The following PRELID2 variants were observed in gnomAD, a reference collection of about 807,000 sequenced individuals.
PRELID2 encodes PRELI domain containing 2.
A neutral mutation model predicts 28.4 loss-of-function variants in PRELID2; 25 were observed. The observed-to-expected ratio is 0.88, with a 90% CI of 0.64 to 1.23. The LOEUF (loss-of-function observed/expected upper bound fraction) is 1.23. Ranked by LOEUF, PRELID2 falls within the 50% of genes most tolerant of loss-of-function variation. PRELID2 has a pLI of 0.00. For synonymous variants in PRELID2, 76 were observed against 71.6 expected, an observed-to-expected ratio of 1.06 and a Z score of -0.31; for missense variants, 201 against 214.4, an observed-to-expected ratio of 0.94 and a Z score of 0.39.
chr5:145,568,041 C>T (rs948397614), intron 1 of PRELID2, among the ~76,000 whole-genome samples: 15 of 152,148 alleles, frequency 9.9e-5, no homozygotes, highest in Non-Finnish European at 2.9e-5. Context: ...CCTTTGGAGG[C>T]CTGCTCCTAT....
chr5:145,759,482 A>G lies in PRELID2; in HGVS notation c.*1054T>C, dbSNP rs1415548981. On this transcript the variant is annotated 3_prime_UTR_variant, in exon 7 of 7. Transcript: ENST00000683046. ...AGTACCTTTGCAAAATGTTTTACAT[A>G]ATAATGGCTTCCATTTCCTGGACTT... The G allele has an allele frequency of 2.6e-5, 4 of 152,254 alleles. No homozygotes were observed. Among genetic ancestry groups the G allele is most frequent in the African/African-American group, 7.2e-5 (3 of 41,468 alleles). The allele number at this position is 152,254 out of a possible 1,614,324, so 9.4% of individuals were successfully genotyped here.
At chr5:145,396,422 C>G in the PRELID2 span, among the ~76,000 whole-genome samples, 19 of 151,132 alleles carry the variant, frequency 1.3e-4, no homozygotes, top group East Asian at 2.0e-4. Context: ...CTGTAATTTG[C>G]CTGTGAACCA....
intron 1 of PRELID2, among the ~76,000 whole-genome samples, chr5:145,485,295 G>C (rs992317545): frequency 6.6e-6 from 1 of 152,202 alleles, no homozygotes; most frequent in Non-Finnish European, 1.5e-5. Flanking sequence ...AGTGGCAACT[G>C]CCAAGGCCTT....
At chr5:145,705,421 C>G (rs28668139) in intron 1 of PRELID2, among the ~76,000 whole-genome samples, 3 of 151,748 alleles carry the variant, frequency 2.0e-5, no homozygotes, top group African/African-American at 4.9e-5. Context: ...CCAGGCTGGT[C>G]GTGAACTCCT....
At chr5:145,498,876 C>T (rs1280795618) in intron 1 of PRELID2, among the ~76,000 whole-genome samples, 1 of 151,458 alleles carries the variant, frequency 6.6e-6, no homozygotes, top group Non-Finnish European at 1.5e-5. Context: ...CCACACCCGG[C>T]CTGAGAACTT....
At chr5:145,397,118 G>T in the PRELID2 span, among the ~76,000 whole-genome samples, 1 of 152,092 alleles carries the variant, frequency 6.6e-6, no homozygotes, top group Non-Finnish European at 1.5e-5. Context: ...CCCCTATCCT[G>T]AATGTGAGAC....
intron 1 of PRELID2, among the ~76,000 whole-genome samples, chr5:145,516,431 G>A (rs997611778): frequency 3.3e-5 from 5 of 152,074 alleles, no homozygotes; most frequent in African/African-American, 1.2e-4. Context: ...AAATTACAAG[G>A]GATGTGAAGG....
chr5:145,405,496 A>G, the PRELID2 span, among the ~76,000 whole-genome samples: 1 of 152,020 alleles, frequency 6.6e-6, no homozygotes, highest in African/African-American at 2.4e-5. Flanking sequence ...ATCATGCAGT[A>G]TTTTTCTTTC....
At chr5:145,805,778 G>C (rs1474056808) in intron 4 of PRELID2, among the ~76,000 whole-genome samples, 1 of 152,100 alleles carries the variant, frequency 6.6e-6, no homozygotes. Context: ...TACACACATA[G>C]GCTAGATGGT....
chr5:145,642,755 C>T (rs1483938016), intron 1 of PRELID2, among the ~76,000 whole-genome samples: 1 of 152,168 alleles, frequency 6.6e-6, no homozygotes, highest in African/African-American at 2.4e-5. Context: ...TTTTTCAACA[C>T]CTTTTATTAA....
At chr5:145,273,867 G>A in the PRELID2 span, among the ~76,000 whole-genome samples, 1 of 152,120 alleles carries the variant, frequency 6.6e-6, no homozygotes, top group African/African-American at 2.4e-5. Context: ...CATGGGGTAA[G>A]TGGCCATAGG....
intron 1 of PRELID2, among the ~76,000 whole-genome samples, chr5:145,560,065 C>G (rs750668943): frequency 4.6e-5 from 7 of 152,140 alleles, no homozygotes; most frequent in Non-Finnish European, 1.0e-4. Context: ...GGCAAATCAT[C>G]TAAGACAAAG....
At chr5:145,396,090 T>C in the PRELID2 span, among the ~76,000 whole-genome samples, 2 of 152,154 alleles carry the variant, frequency 1.3e-5, no homozygotes, top group Non-Finnish European at 2.9e-5. Flanking sequence ...CCACGTGATG[T>C]CCACCAACAT....
chr5:145,777,440 G>A (rs923145554), intron 5 of PRELID2, among the ~76,000 whole-genome samples: 3 of 152,178 alleles, frequency 2.0e-5, no homozygotes, highest in Admixed American at 2.0e-4. Context: ...GAGTCCCACT[G>A]TCTAGTTTAA....
At chr5:145,792,232 C>G (rs1332605709) in intron 5 of PRELID2, among the ~76,000 whole-genome samples, 1 of 152,162 alleles carries the variant, frequency 6.6e-6, no homozygotes, top group African/African-American at 2.4e-5. Context: ...GTTCAAATCC[C>G]CGGTTCACCA....
At chr5:145,793,366 C>T (rs914274261) in intron 5 of PRELID2, among the ~76,000 whole-genome samples, 1 of 152,088 alleles carries the variant, frequency 6.6e-6, no homozygotes, top group Non-Finnish European at 1.5e-5. Flanking sequence ...TAAACAGACT[C>T]AGCAATAAGT....
the PRELID2 span, among the ~76,000 whole-genome samples, chr5:145,412,500 C>CA: frequency 6.6e-6 from 1 of 152,178 alleles, no homozygotes; most frequent in Non-Finnish European, 1.5e-5. Flanking sequence ...GCATTTTGGT[C>CA]AAAGTCATTT....
chr5:145,795,644 C>G (rs938426325), intron 5 of PRELID2: 1 of 151,998 alleles, frequency 6.6e-6, no homozygotes, highest in Non-Finnish European at 1.5e-5. Flanking sequence ...TGAGTAAAAT[C>G]TGGAAATAAA....
chr5:145,393,127 T>C, the PRELID2 span, among the ~76,000 whole-genome samples: 1 of 152,166 alleles, frequency 6.6e-6, no homozygotes, highest in African/African-American at 2.4e-5. Context: ...GTATAATCCA[T>C]CACACAATCA....
Sources: gnomAD v4.1 joint callset for allele counts (sites outside exome capture counted in the v4.1 genomes callset) on GRCh38, gnomAD v4.1.1 for gene constraint, MANE v1.5 for transcripts, NCBI Gene and HGNC (gene_info 2026-07-23, HGNC 2026-07-21) for gene names.